NHS: variants seen among roughly 807,000 people sequenced by gnomAD.
NHS encodes the protein NHS actin remodeling regulator.
Under a neutral mutation model 72.5 loss-of-function variants are expected in NHS, and 5 were observed. The ratio of observed to expected loss-of-function variants is 0.07; its 90% CI spans 0.04 to 0.14. The LOEUF (loss-of-function observed/expected upper bound fraction) is 0.14, where lower values mean the gene tolerates loss of function less well. Among genes scored for constraint, NHS ranks in the 10% least tolerant of loss-of-function variants. The probability of loss-of-function intolerance (pLI) is 1.00; values close to 1 mark genes in which losing one functional copy is unlikely to be tolerated. For synonymous variants in NHS, 464 were observed against 547.7 expected, an observed-to-expected ratio of 0.85 and a Z score of 2.13; for missense variants, 1,072 against 1,355.7, an observed-to-expected ratio of 0.79 and a Z score of 3.29.
intron 1 of NHS, among the ~76,000 whole-genome samples, chrX:17,393,556 C>T (rs151142754): frequency 4.6e-3 from 512 of 112,431 alleles, no homozygotes; most frequent in African/African-American, 0.016. Context: ...TTCAGCTCTT[C>T]CTCTGTGAGG....
chrX:17,513,994 G>A lies in NHS; in HGVS notation c.565+137672G>A, dbSNP rs370722248. 1.5e-4 allele frequency among the ~76,000 whole-genome samples: 17 copies of A among 112,186 alleles called. No homozygotes were observed. The East Asian group carries it at 3.7e-3, about 24-fold the overall frequency. ...CATGGCAGAAGGCAAGGAGGAGCAA[G>A]TCATGTCTTACATCAGTGGTGACAG... On this transcript the variant is annotated intron_variant, in intron 1 of 8. Transcript: ENST00000676302.
At chrX:17,562,445 A>G (rs780297466) in intron 1 of NHS, among the ~76,000 whole-genome samples, 1 of 111,822 alleles carries the variant, frequency 8.9e-6, no homozygotes, top group Non-Finnish European at 1.9e-5. Context: ...ACCTGTGGGT[A>G]TAGTGGCCTT....
chrX:17,481,100 T>C (rs751457471), intron 1 of NHS, among the ~76,000 whole-genome samples: 1 of 111,991 alleles, frequency 8.9e-6, no homozygotes, highest in Admixed American at 9.5e-5. Context: ...ACCCATTCAG[T>C]GTTATGAACG....
At chrX:17,415,747 C>T (rs182695016) in intron 1 of NHS, among the ~76,000 whole-genome samples, 134 of 111,947 alleles carry the variant, frequency 1.2e-3, no homozygotes, top group Non-Finnish European at 2.4e-3. Context: ...AAACATTCCA[C>T]AAGTTGGAGA....
chrX:17,431,111 A>G (rs902987006), intron 1 of NHS, among the ~76,000 whole-genome samples: 6 of 111,788 alleles, frequency 5.4e-5, no homozygotes, highest in Non-Finnish European at 1.1e-4. Flanking sequence ...TAGGGAGAAT[A>G]ACTTCTTATG....
chrX:17,630,790 A>G (rs957723673), intron 1 of NHS, among the ~76,000 whole-genome samples: 15 of 111,808 alleles, frequency 1.3e-4, no homozygotes, highest in Admixed American at 5.7e-4. Flanking sequence ...AATCTTAGGC[A>G]GAGTTGGGAG....
intron 1 of NHS, among the ~76,000 whole-genome samples, chrX:17,418,020 T>C (rs111515785): frequency 7.8e-4 from 88 of 112,105 alleles, no homozygotes; most frequent in African/African-American, 2.8e-3. Flanking sequence ...ATGAAAGAAC[T>C]TCAAAAATTG....
At chrX:17,428,271 C>A (rs922103619) in intron 1 of NHS, among the ~76,000 whole-genome samples, 1 of 112,547 alleles carries the variant, frequency 8.9e-6, no homozygotes, top group African/African-American at 3.2e-5. Context: ...CTTGGCCAAT[C>A]TTCATCCTTC....
Position 17,488,360 on chromosome X carries a change from G to A in NHS, c.565+112038G>A, listed in dbSNP as rs749381557. On this transcript the variant is annotated intron_variant, in intron 1 of 8. Coordinates refer to ENST00000676302, the MANE Select transcript of NHS (RefSeq NM_001291867.2). ...CAGTCAGGGTGACGTTTGGGCTTGAGGGCTGAAGGACCTGCATTTTTTGGT... is the reference window on the plus strand; with the variant it reads ...CAGTCAGGGTGACGTTTGGGCTTGAAGGCTGAAGGACCTGCATTTTTTGGT... Among the ~76,000 whole-genome samples, 6 of 111,371 alleles carry A rather than the reference G, an allele frequency of 5.4e-5. No individual in the cohort carries two copies. In the Admixed American group the frequency reaches 5.7e-4, roughly 11 times the overall value.
At chrX:17,408,543 G>A (rs778591569) in intron 1 of NHS, among the ~76,000 whole-genome samples, 16 of 111,348 alleles carry the variant, frequency 1.4e-4, no homozygotes, top group Non-Finnish European at 1.7e-4. Flanking sequence ...CAGTACATAA[G>A]GAGTATTTGT....
At chrX:17,544,577 T>G (rs1409784800) in intron 1 of NHS, among the ~76,000 whole-genome samples, 2 of 112,137 alleles carry the variant, frequency 1.8e-5, no homozygotes, top group African/African-American at 6.5e-5. Context: ...AGTGGCGCGA[T>G]CTTGGCTCCC....
intron 1 of NHS, among the ~76,000 whole-genome samples, chrX:17,581,774 T>C (rs749771844): frequency 9.0e-6 from 1 of 111,573 alleles, no homozygotes; most frequent in Non-Finnish European, 1.9e-5. Flanking sequence ...TTGAAACTGA[T>C]GAAGGCAAGA....
intron 1 of NHS, among the ~76,000 whole-genome samples, chrX:17,535,528 G>A (rs1006215470): frequency 4.5e-5 from 5 of 111,386 alleles, no homozygotes; most frequent in Non-Finnish European, 9.4e-5. Flanking sequence ...CTGGGATAGC[G>A]CCCACCATGG....
At chrX:17,500,276 G>T (rs1434158718) in intron 1 of NHS, among the ~76,000 whole-genome samples, 1 of 112,080 alleles carries the variant, frequency 8.9e-6, no homozygotes, top group South Asian at 3.8e-4. Context: ...TTCACAAGCT[G>T]GGGCTTTAAG....
chrX:17,617,279 G>GCATCTCACA (rs1200649949), intron 1 of NHS, among the ~76,000 whole-genome samples: 4 of 112,136 alleles, frequency 3.6e-5, no homozygotes, highest in African/African-American at 1.3e-4. Context: ...GTCTACACCA[G>GCATCTCACA]CATCTCACAG....
At chrX:17,436,195 GTTGAA>G (rs778188349) in intron 1 of NHS, among the ~76,000 whole-genome samples, 4 of 111,892 alleles carry the variant, frequency 3.6e-5, no homozygotes, top group East Asian at 5.6e-4. Flanking sequence ...GGGGCTGGGT[GTTGAA>G]TTGAAGTCAG....
At chrX:17,467,289 G>A (rs1274357109) in intron 1 of NHS, among the ~76,000 whole-genome samples, 1 of 112,137 alleles carries the variant, frequency 8.9e-6, no homozygotes, top group African/African-American at 3.2e-5. Context: ...TACTTACTAA[G>A]GGGAGTTCAT....
chrX:17,635,568 T>A (rs756852916), intron 1 of NHS: 1 of 1,167,581 alleles, frequency 8.6e-7, no homozygotes, highest in African/African-American at 1.8e-5. Context: ...AATCCAAGCA[T>A]GGCTCTGGCC....
chrX:17,690,547 G>A (rs1459960922), intron 2 of NHS, among the ~76,000 whole-genome samples: 2 of 112,274 alleles, frequency 1.8e-5, no homozygotes, highest in Non-Finnish European at 3.8e-5. Context: ...TTCAAGATCT[G>A]CTTGATAGCA....
Sources: gnomAD v4.1 joint callset for allele counts (sites outside exome capture counted in the v4.1 genomes callset) on GRCh38, gnomAD v4.1.1 for gene constraint, MANE v1.5 for transcripts, NCBI Gene and HGNC (gene_info 2026-07-23, HGNC 2026-07-21) for gene names.